The following PENK variants were observed in gnomAD, a reference collection of about 807,000 sequenced individuals.
The protein encoded by PENK is proenkephalin, also known as proenkephalin-A.
PENK carries 25 observed loss-of-function variants against 24.1 expected under a neutral mutation model. The ratio of observed to expected loss-of-function variants is 1.04; its 90% CI spans 0.76 to 1.45. The LOEUF (loss-of-function observed/expected upper bound fraction) is 1.45, where lower values mean the gene tolerates loss of function less well. Among genes scored for constraint, PENK ranks in the 40% most tolerant of loss-of-function variants. The pLI is 0.00. For missense variants in PENK, 353 were observed against 337.9 expected (o/e 1.04, Z -0.35); for synonymous variants, 135 against 130.3 (o/e 1.04, Z -0.24).
Position 56,441,446 on chromosome 8 carries a change from A to G in PENK, c.630T>C (p.Tyr210=). 1 of 1,613,794 alleles carries G rather than the reference A, an allele frequency of 6.2e-7. No individual in the cohort carries two copies. The highest frequency in any genetic ancestry group is 8.5e-7 in the Non-Finnish European group (1 of 1,180,000). The part of the protein sequence containing the change: ...EDEAKELQKR[Y]GGFMRRVGRP... ...GACCTACTCTTCTCATGAAGCCCCC[A>G]TATCGCTTCTGCAGCTCTTTGGCTT... Residue 210 remains tyrosine, a synonymous_variant, in exon 4 of 4, where the codon TAT becomes TAC. Transcript: ENST00000451791.
intron 3 of PENK, chr8:56,443,623 G>A (rs1299204734): frequency 2.1e-5 from 5 of 236,816 alleles, no homozygotes; most frequent in African/African-American, 1.1e-4. Context: ...CTTTCTCATG[G>A]TAGAAGCTCA....
At position 56,441,527 on chromosome 8, in the gene PENK, G is replaced by T. The variant is rs754654973; in HGVS notation, c.549C>A (p.Ser183Arg). The change falls in exon 4 of 4, where the codon AGC (serine) becomes AGA (arginine). Residue 183 changes from serine (S) to arginine (R), a missense_variant. Coordinates refer to ENST00000451791, the MANE Select transcript of PENK (RefSeq NM_001135690.3). ...QDGSDNEEEV[S>R]KRYGGFMRGL... ...CTCTCATGAAGCCCCCATATCTCTT[G>T]CTCACTTCTTCCTCATTATCACTGC... The T allele has an allele frequency of 1.2e-6, 2 of 1,613,500 alleles. No homozygotes were observed. The highest frequency in any genetic ancestry group is 2.2e-5 in the South Asian group (2 of 91,042).
Position 56,441,926 on chromosome 8 carries a change from C to T in PENK, c.150G>A (p.Met50Ile). 6.2e-7 allele frequency: 1 copy of T among 1,610,640 alleles called. No individual in the cohort carries two copies. The highest frequency in any genetic ancestry group is 8.5e-7 in the Non-Finnish European group (1 of 1,178,002). The change falls in exon 4 of 4, where the codon ATG becomes ATA. Residue 50 changes from methionine (M) to isoleucine (I), a missense_variant. Met to Ile is a conservative substitution (Grantham distance 10, BLOSUM62 1). Coordinates refer to ENST00000451791, the MANE Select transcript of PENK (RefSeq NM_001135690.3). ...PADINFLACV[M>I]ECEGKLPSLK... ...GAGAAGGCAGTTTACCTTCACATTC[C>T]ATTACGCAAGCCTGGGAAAACAATT...
chr8:56,445,432 GGGA>G, intron 3 of PENK: 1 of 451,548 alleles, frequency 2.2e-6, no homozygotes, highest in Admixed American at 3.6e-5. Context: ...GCCCTTAGCT[GGGA>G]TATGTTAGGA....
chr8:56,441,919 C>T lies in PENK; in HGVS notation c.157G>A (p.Glu53Lys). 6.2e-7 allele frequency: 1 copy of T among 1,612,580 alleles called. No individual in the cohort carries two copies. Among genetic ancestry groups the T allele is most frequent in the Non-Finnish European group, 8.5e-7 (1 of 1,179,126 alleles). ...ATTTTCAGAGAAGGCAGTTTACCTT[C>T]ACATTCCATTACGCAAGCCTGGGAA... ...INFLACVMECEGKLPSLKIWE... is the reference protein window; with the variant it reads ...INFLACVMECKGKLPSLKIWE... The change falls in exon 4 of 4, where the codon GAA (glutamate) becomes AAA (lysine). Residue 53 changes from glutamate (E) to lysine (K), a missense_variant. Physicochemically the swap from Glu to Lys is moderately conservative, Grantham distance 56. Coordinates refer to ENST00000451791, the MANE Select transcript of PENK (RefSeq NM_001135690.3).
At chr8:56,443,605 A>G in intron 3 of PENK, 1 of 222,618 alleles carries the variant, frequency 4.5e-6, no homozygotes, top group Non-Finnish European at 8.9e-6. Context: ...AGTACCAATC[A>G]TAAGTGTCTT....
chr8:56,444,500 C>T (rs1251193043), intron 3 of PENK, among the ~76,000 whole-genome samples: 1 of 152,214 alleles, frequency 6.6e-6, no homozygotes, highest in African/African-American at 2.4e-5. Context: ...TCTTTATCCA[C>T]AAGATCTATC....
At chr8:56,445,644 C>T in intron 3 of PENK, 172 bp downstream of exon 3, 1 of 777,120 alleles carries the variant, frequency 1.3e-6, no homozygotes, top group Non-Finnish European at 2.2e-6. Flanking sequence ...GGACTTCAGT[C>T]AGTGTTCCAG....
intron 3 of PENK, chr8:56,443,999 C>T: frequency 1.4e-6 from 1 of 702,128 alleles, no homozygotes; most frequent in Non-Finnish European, 2.6e-6. Context: ...AGCAGCCTTC[C>T]TCTTCTCCTC....
intron 3 of PENK, 184 bp downstream of exon 3, chr8:56,445,632 C>T (rs774270619): frequency 2.7e-6 from 2 of 728,780 alleles, no homozygotes; most frequent in Middle Eastern, 3.5e-4. Context: ...AGAGCCAGGG[C>T]AGGACTTCAG....
intron 3 of PENK, among the ~76,000 whole-genome samples, chr8:56,443,232 A>G (rs1454577806): frequency 6.6e-6 from 1 of 152,210 alleles, no homozygotes; most frequent in Non-Finnish European, 1.5e-5. Flanking sequence ...TATTCCTGAC[A>G]TATGATGAAC....
chr8:56,441,337 C>T lies in PENK; in HGVS notation c.739G>A (p.Gly247Ser). 6.2e-7 allele frequency: 1 copy of T among 1,613,448 alleles called. No individual in the cohort carries two copies. Among genetic ancestry groups the T allele is most frequent in the Non-Finnish European group, 8.5e-7 (1 of 1,179,810 alleles). The change falls in exon 4 of 4, where the codon GGC becomes AGC. Residue 247 changes from glycine (G) to serine (S), a missense_variant. Gly to Ser is a moderately conservative substitution (Grantham distance 56). Transcript: ENST00000451791. ...FAEALPSDEE[G>S]ESYSKEVPEM... ...GGAACTTCTTTGGAGTAACTTTCGC[C>T]TTCTTCGTCGGAGGGCAGAGCCTCG...
At position 56,443,504 on chromosome 8, in the gene PENK, C is replaced by T. The variant is rs115364538; in HGVS notation, c.139-1567G>A. The T allele has an allele frequency of 3.8e-3, 581 of 153,676 alleles. 4 individuals carry two copies. The highest frequency in any genetic ancestry group is 0.013 in the African/African-American group (539 of 41,620). The allele number at this position is 153,676 out of a possible 1,614,324, so 9.5% of individuals were successfully genotyped here. ...TATGCATGTTTTGTGGTATTTACCA[C>T]ACTTTGTGTGGTATGGTCAAGATCA... On this transcript the variant is annotated intron_variant, in intron 3 of 3. Transcript: ENST00000451791.
In PENK at chr8:56,444,961, G is replaced by C. The variant is rs539400733; in HGVS notation, c.138+855C>G. On this transcript the variant is annotated intron_variant, in intron 3 of 3. Coordinates refer to ENST00000451791, the MANE Select transcript of PENK (RefSeq NM_001135690.3). ...CGAGGTTGGAGATTCAGACTCAGTA[G>C]AGCACCAGAGGTGATTCGACAGCCC... Among the ~76,000 whole-genome samples the C allele has an allele frequency of 5.9e-5, 9 of 152,334 alleles. No individual in the cohort carries two copies. The South Asian group carries it at 1.9e-3, about 32-fold the overall frequency.
In PENK at chr8:56,441,103, A is replaced by G; in HGVS notation, c.*169T>C. The G allele has an allele frequency of 1.6e-6, 1 of 624,568 alleles. No individual in the cohort carries two copies. The highest frequency in any genetic ancestry group is 2.5e-5 in the East Asian group (1 of 39,742). The allele number at this position is 624,568 out of a possible 1,614,324, so 38.7% of individuals were successfully genotyped here. A position where few individuals can be genotyped will look rare whatever the true frequency, so the allele number is the denominator to read the frequency against. On this transcript the variant is annotated 3_prime_UTR_variant, in exon 4 of 4. Coordinates refer to ENST00000451791, the MANE Select transcript of PENK (RefSeq NM_001135690.3). ...ACTAATACTGAGCTTAAAGACTCCA[A>G]AAAGAGCACAGAACCTGAAATGACA...
At chr8:56,442,979 T>A (rs999188410) in intron 3 of PENK, among the ~76,000 whole-genome samples, 1 of 152,036 alleles carries the variant, frequency 6.6e-6, no homozygotes. Context: ...ATTTCAGGAG[T>A]TTTTTACAGC....
At chr8:56,443,415 C>T (rs1804593493) in intron 3 of PENK, 1 of 152,154 alleles carries the variant, frequency 6.6e-6, no homozygotes, top group South Asian at 2.1e-4. Context: ...CAAATAGTAA[C>T]AAATATCAGA....
At position 56,445,873 on chromosome 8, in the gene PENK, G is replaced by A. The variant is rs3808633; in HGVS notation, c.81C>T (p.Ser27=). Residue 27 remains serine, a synonymous_variant, in exon 3 of 4, where the codon AGC becomes AGT. Transcript: ENST00000451791. ...GGTAGCTGCACGTCGCGCAATCCTG[G>A]CTGCATTCGGCCCGCACGGTCGCCA... ...GLLATVRAEC[S]QDCATCSYRL... is the part of the protein sequence containing the mutation. 46,462 of 1,613,136 alleles carry A rather than the reference G, an allele frequency of 0.029. 4,193 individuals are homozygous for A. Among genetic ancestry groups the A allele is most frequent in the African/African-American group, 0.25 (18,745 of 75,012 alleles).
intron 3 of PENK, 53 bp downstream of exon 3, chr8:56,445,763 T>C (rs745703015): frequency 6.2e-7 from 1 of 1,610,052 alleles, no homozygotes. Context: ...CGCGTACTGT[T>C]GCGGAAACTC....
Sources: gnomAD v4.1 joint callset for allele counts (sites outside exome capture counted in the v4.1 genomes callset) on GRCh38, gnomAD v4.1.1 for gene constraint, MANE v1.5 for transcripts, NCBI Gene and HGNC (gene_info 2026-07-23, HGNC 2026-07-21) for gene names.